COX7B2: variants seen among roughly 807,000 people sequenced by gnomAD.
COX7B2 encodes the protein cytochrome c oxidase subunit 7B2, mitochondrial.
For missense variants in COX7B2, 109 were observed against 95.9 expected, an observed-to-expected ratio of 1.14 and a Z score of -0.57; for synonymous variants, 37 against 32.1, an observed-to-expected ratio of 1.15 and a Z score of -0.51.
chr4:46,842,509 T>A (rs1354524067), intron 2 of COX7B2, among the ~76,000 whole-genome samples: 3 of 152,036 alleles, frequency 2.0e-5, no homozygotes, highest in African/African-American at 7.2e-5. Context: ...CATTAACTCA[T>A]CATTTAACAT....
chr4:46,799,925 G>A lies in COX7B2; in HGVS notation c.-50+45035C>T, dbSNP rs1045529457. On this transcript the variant is annotated intron_variant, in intron 2 of 2. Transcript: ENST00000355591. ...TGGAATAATTTCAGGAGGATTTGTA[G>A]TAGCTCTTCTTTATACATCTGGTGG... is the stretch of plus-strand genomic sequence containing the variant. 7.2e-5 allele frequency among the ~76,000 whole-genome samples: 11 copies of A among 152,208 alleles called. 1 individual carries two copies. Among genetic ancestry groups the A allele is most frequent in the Admixed American group, 3.9e-4 (6 of 15,286 alleles).
intron 2 of COX7B2, among the ~76,000 whole-genome samples, chr4:46,786,003 A>G (rs991420749): frequency 5.9e-5 from 9 of 152,244 alleles, no homozygotes; most frequent in African/African-American, 1.9e-4. Context: ...AATGCAATAG[A>G]TAGAAGCTGC....
intron 2 of COX7B2, among the ~76,000 whole-genome samples, chr4:46,816,762 G>T (rs142982818): frequency 1.0e-3 from 158 of 152,262 alleles, no homozygotes; most frequent in African/African-American, 3.6e-3. Flanking sequence ...CTCATTGATA[G>T]GTTTTCACTA....
chr4:46,779,421 A>G (rs1014463129), intron 2 of COX7B2, among the ~76,000 whole-genome samples: 1 of 152,234 alleles, frequency 6.6e-6, no homozygotes, highest in Non-Finnish European at 1.5e-5. Context: ...CCAGTCATCC[A>G]TTGATGGAAA....
intron 1 of COX7B2, among the ~76,000 whole-genome samples, chr4:46,863,701 C>A (rs1404814126): frequency 5.3e-5 from 8 of 152,144 alleles, no homozygotes; most frequent in Non-Finnish European, 1.2e-4. Flanking sequence ...TTTTTCATAG[C>A]TCCTGTGACC....
At chr4:46,811,564 C>T (rs1054070451) in intron 2 of COX7B2, among the ~76,000 whole-genome samples, 3 of 152,082 alleles carry the variant, frequency 2.0e-5, no homozygotes, top group Non-Finnish European at 2.9e-5. Flanking sequence ...TCATTTATTT[C>T]TATTATCTTG....
chr4:46,886,282 G>A (rs1443457175), intron 1 of COX7B2, among the ~76,000 whole-genome samples: 5 of 152,248 alleles, frequency 3.3e-5, no homozygotes, highest in African/African-American at 1.2e-4. Flanking sequence ...TTTCATAGTT[G>A]TATAAACTTT....
At position 46,785,752 on chromosome 4, in the gene COX7B2, A is replaced by C. The variant is rs551294400; in HGVS notation, c.-49-50511T>G. Among the ~76,000 whole-genome samples, 10 of 152,284 alleles carry C rather than the reference A, an allele frequency of 6.6e-5. No individual in the cohort carries two copies. The South Asian group carries it at 2.1e-3, about 32-fold the overall frequency. On this transcript the variant is annotated intron_variant, in intron 2 of 2. Coordinates refer to ENST00000355591, the MANE Select transcript of COX7B2 (RefSeq NM_130902.3). ...GGTGGACAGGGGACAGGAGATCTTCACCTAACCACATGAATAGAGAAGGGG... is the reference window on the plus strand; with the variant it reads ...GGTGGACAGGGGACAGGAGATCTTCCCCTAACCACATGAATAGAGAAGGGG...
intron 1 of COX7B2, among the ~76,000 whole-genome samples, chr4:46,884,735 T>C (rs1220916649): frequency 6.6e-6 from 1 of 152,258 alleles, no homozygotes; most frequent in East Asian, 1.9e-4. Context: ...GTTTTCTTAA[T>C]CTTTTTGAAT....
chr4:46,787,551 C>T (rs1012301332), intron 2 of COX7B2, among the ~76,000 whole-genome samples: 1 of 151,946 alleles, frequency 6.6e-6, no homozygotes, highest in Non-Finnish European at 1.5e-5. Context: ...TCAATGTTGA[C>T]TAAATAACAT....
intron 1 of COX7B2, among the ~76,000 whole-genome samples, chr4:46,892,488 T>C (rs1719486730): frequency 6.6e-6 from 1 of 152,144 alleles, no homozygotes; most frequent in Non-Finnish European, 1.5e-5. Flanking sequence ...TCTTTGCATA[T>C]GAGTTACTTT....
chr4:46,908,120 G>C lies in COX7B2; in HGVS notation c.-105+1040C>G, dbSNP rs139134352. Reference sequence around the variant, plus strand: ...CCCGCCTCGGCCTCCCAAACTGCTGGGATTACAGGTGTCAGCCACTGCACC... The same window carrying C: ...CCCGCCTCGGCCTCCCAAACTGCTGCGATTACAGGTGTCAGCCACTGCACC... On this transcript the variant is annotated intron_variant, in intron 1 of 2. Transcript: ENST00000355591. 2.2e-3 allele frequency among the ~76,000 whole-genome samples: 337 copies of C among 151,836 alleles called. 2 individuals carry two copies. The highest frequency in any genetic ancestry group is 7.9e-3 in the African/African-American group (328 of 41,376).
At chr4:46,846,799 G>C (rs1716306818) in intron 1 of COX7B2, among the ~76,000 whole-genome samples, 1 of 152,012 alleles carries the variant, frequency 6.6e-6, no homozygotes, top group Admixed American at 6.6e-5. Context: ...AAATAGACGG[G>C]ACAGGATTTT....
At chr4:46,843,280 G>T (rs1362288375) in intron 2 of COX7B2, among the ~76,000 whole-genome samples, 1 of 151,952 alleles carries the variant, frequency 6.6e-6, no homozygotes, top group Non-Finnish European at 1.5e-5. Flanking sequence ...TCACACACTT[G>T]TGAAAAATAA....
chr4:46,871,251 C>T (rs976671692), intron 1 of COX7B2, among the ~76,000 whole-genome samples: 2 of 152,168 alleles, frequency 1.3e-5, no homozygotes, highest in African/African-American at 4.8e-5. Flanking sequence ...GAAATGCTCT[C>T]TATTCAGTAA....
chr4:46,776,222 T>A lies in COX7B2; in HGVS notation c.-49-40981A>T, dbSNP rs1326008785. Among the ~76,000 whole-genome samples the A allele has an allele frequency of 2.0e-5, 3 of 152,032 alleles. No individual in the cohort carries two copies. In the South Asian group the frequency reaches 6.2e-4, roughly 31 times the overall value. ...AAAGTGGGGGTCTGCCCTAAAAAAATTCCTTTTAAAGGAATATGCATACAG... is the reference window on the plus strand; with the variant it reads ...AAAGTGGGGGTCTGCCCTAAAAAAAATCCTTTTAAAGGAATATGCATACAG... On this transcript the variant is annotated intron_variant, in intron 2 of 2. Coordinates refer to ENST00000355591, the MANE Select transcript of COX7B2 (RefSeq NM_130902.3).
intron 1 of COX7B2, chr4:46,903,991 G>C (rs1720225491): frequency 6.6e-6 from 1 of 152,136 alleles, no homozygotes; most frequent in Non-Finnish European, 1.5e-5. Flanking sequence ...TAGCTACATT[G>C]TAAAGAGCCA....
At chr4:46,805,547 A>G (rs1355623960) in intron 2 of COX7B2, among the ~76,000 whole-genome samples, 4 of 152,236 alleles carry the variant, frequency 2.6e-5, no homozygotes, top group Non-Finnish European at 4.4e-5. Context: ...AATGCTAAAG[A>G]TAAGACTACT....
At chr4:46,850,593 G>A (rs1716611558) in intron 1 of COX7B2, among the ~76,000 whole-genome samples, 3 of 152,116 alleles carry the variant, frequency 2.0e-5, no homozygotes, top group Middle Eastern at 6.8e-3. Flanking sequence ...AATATAAAGT[G>A]CCACATGAAG....
Sources: gnomAD v4.1 joint callset for allele counts (sites outside exome capture counted in the v4.1 genomes callset) on GRCh38, gnomAD v4.1.1 for gene constraint, MANE v1.5 for transcripts, NCBI Gene and HGNC (gene_info 2026-07-23, HGNC 2026-07-21) for gene names.